Variants in PLEKHA7 observed in about 807,000 individuals in gnomAD.
PLEKHA7 encodes the protein pleckstrin homology domain-containing family A member 7.
A neutral mutation model predicts 170.0 loss-of-function variants in PLEKHA7; 104 were observed. That is an observed-to-expected ratio of 0.61 (90% CI 0.52 to 0.72). PLEKHA7 has a LOEUF of 0.72. PLEKHA7 is among the 30% of genes least tolerant of loss of function. PLEKHA7 has a pLI of 0.00. For synonymous variants in PLEKHA7, 648 were observed against 660.8 expected, an observed-to-expected ratio of 0.98 and a Z score of 0.30; for missense variants, 1,615 against 1,671.7, an observed-to-expected ratio of 0.97 and a Z score of 0.59.
At chr11:16,940,111 A>G (rs983555319) in intron 3 of PLEKHA7, among the ~76,000 whole-genome samples, 25 of 151,988 alleles carry the variant, frequency 1.6e-4, no homozygotes, top group African/African-American at 5.8e-4. Context: ...TAACATTCCT[A>G]TCTCCCCTAC....
In PLEKHA7 at chr11:16,783,746, G is replaced by A. The variant is rs902985913; in HGVS notation, c.3604C>T (p.Arg1202Trp). 1.1e-5 allele frequency: 16 copies of A among 1,506,774 alleles called. 1 individual carries two copies. The highest frequency in any genetic ancestry group is 2.1e-5 in the Admixed American group (1 of 46,824). The allele number at this position is 1,506,774 out of a possible 1,614,324, so 93.3% of individuals were successfully genotyped here. ...EPPSLEELQA[R>W]YRKAEKIRNI... ...CGGATCTTCTCGGCTTTGCGGTACC[G>A]CGCCTGCAGCTCCTCAAGGCTGGGT... Residue 1202 changes from arginine (R) to tryptophan (W), a missense_variant, in exon 25 of 27, where the codon CGG becomes TGG. By Grantham distance (101) the Arg-to-Trp change is moderately radical. Transcript: ENST00000531066.
intron 11 of PLEKHA7, 136 bp from the exon 12 acceptor site, chr11:16,816,400 A>T: frequency 1.5e-6 from 1 of 683,208 alleles, no homozygotes; most frequent in South Asian, 1.6e-5. Flanking sequence ...TCTTACTCTC[A>T]GGGTTAGAAC....
chr11:16,890,181 T>G (rs1565077384), intron 3 of PLEKHA7, among the ~76,000 whole-genome samples: 1 of 152,184 alleles, frequency 6.6e-6, no homozygotes, highest in Non-Finnish European at 1.5e-5. Flanking sequence ...AAGGGCAATA[T>G]TCATCATCAT....
chr11:16,855,876 C>G lies in PLEKHA7; in HGVS notation c.344G>C (p.Arg115Thr). ...TGTTTCACTGACCATGCTGGACGGTCTTTGGTTTCTGTCTTGCTTCGACAT... is the reference window on the plus strand; with the variant it reads ...TGTTTCACTGACCATGCTGGACGGTGTTTGGTTTCTGTCTTGCTTCGACAT... Reference protein sequence around the residue: ...PHMSKQDRNQRPSSMVSETST... With the variant: ...PHMSKQDRNQTPSSMVSETST... The change falls in exon 5 of 27, where the codon AGA becomes ACA. Residue 115 changes from arginine to threonine, a missense_variant. Transcript: ENST00000531066. 6.2e-7 allele frequency: 1 copy of G among 1,614,120 alleles called. No homozygotes were observed. The highest frequency in any genetic ancestry group is 8.5e-7 in the Non-Finnish European group (1 of 1,180,024).
intron 3 of PLEKHA7, among the ~76,000 whole-genome samples, chr11:16,909,236 G>A (rs183873771): frequency 2.1e-3 from 320 of 152,280 alleles, no homozygotes; most frequent in African/African-American, 7.0e-3. Context: ...GAGAAAATGT[G>A]TGACCAAGAG....
intron 3 of PLEKHA7, among the ~76,000 whole-genome samples, chr11:16,956,188 T>C (rs867288473): frequency 6.6e-6 from 1 of 152,154 alleles, no homozygotes; most frequent in Non-Finnish European, 1.5e-5. Context: ...CGTACCTATT[T>C]TGTTTTATTT....
chr11:16,979,477 G>C (rs1280674202), intron 3 of PLEKHA7, among the ~76,000 whole-genome samples: 1 of 152,128 alleles, frequency 6.6e-6, no homozygotes, highest in Non-Finnish European at 1.5e-5. Context: ...AGGTCACACA[G>C]TCAGTTAGTG....
Position 16,791,697 on chromosome 11 carries a change from C to T in PLEKHA7, c.2746-498G>A, listed in dbSNP as rs1014086098. ...GTGGGGACCTGAACAAGGACAGAGTCTACATCCTCCTGGCCTTTCTATCAG... is the reference window on the plus strand; with the variant it reads ...GTGGGGACCTGAACAAGGACAGAGTTTACATCCTCCTGGCCTTTCTATCAG... On this transcript the variant is annotated intron_variant, in intron 19 of 26. Coordinates refer to ENST00000531066, the MANE Select transcript of PLEKHA7 (RefSeq NM_001329630.2). This position sits in a 1 kb window ranked among gnomAD's most constrained non-coding sequence, Gnocchi z 4.5. 2 of 458,006 alleles carry T rather than the reference C, an allele frequency of 4.4e-6. No individual in the cohort carries two copies. Among genetic ancestry groups the T allele is most frequent in the African/African-American group, 2.0e-5 (1 of 50,150 alleles). The allele number at this position is 458,006 out of a possible 1,614,324, so 28.4% of individuals were successfully genotyped here.
chr11:16,938,620 T>C (rs1860474404), intron 3 of PLEKHA7, among the ~76,000 whole-genome samples: 1 of 152,200 alleles, frequency 6.6e-6, no homozygotes, highest in African/African-American at 2.4e-5. Context: ...CCATACATCA[T>C]GATTTTTGGA....
intron 8 of PLEKHA7, 53 bp downstream of exon 8, chr11:16,851,138 G>A: frequency 1.4e-6 from 2 of 1,392,174 alleles, no homozygotes; most frequent in South Asian, 1.5e-5. Flanking sequence ...AAGACATTTT[G>A]AGAACACAGT....
chr11:16,887,017 T>G (rs1237167753), intron 3 of PLEKHA7, among the ~76,000 whole-genome samples: 1 of 152,144 alleles, frequency 6.6e-6, no homozygotes, highest in African/African-American at 2.4e-5. Flanking sequence ...GAGCTATAAC[T>G]TCTCAGTTTA....
rs1848604876 is a variant in PLEKHA7 at position 16,801,674 on chromosome 11, C to T, written c.2301G>A (p.Glu767=). Residue 767 remains glutamate (E), a synonymous_variant, in exon 16 of 27, where the codon GAG becomes GAA. Transcript: ENST00000531066. ...LVHIRAELSR[E]STEMENAWNE... is the part of the protein sequence containing the mutation. ...TCTGCCACCCTCTACGCACAGTGGA[C>T]TCTCTGGAGAGCTCAGCTCGGATAT... 1 of 1,614,024 alleles carries T rather than the reference C, an allele frequency of 6.2e-7. No homozygotes were observed. The highest frequency in any genetic ancestry group is 1.3e-5 in the African/African-American group (1 of 74,934).
At chr11:16,951,560 A>G (rs4757451) in intron 3 of PLEKHA7, among the ~76,000 whole-genome samples, 135,900 of 152,212 alleles carry the variant, frequency 0.89, 60,706 homozygotes, top group African/African-American at 0.93. Context: ...ACTCAGATAC[A>G]AACCCAGGCA....
chr11:16,968,017 A>G (rs2136682529), intron 3 of PLEKHA7, among the ~76,000 whole-genome samples: 1 of 152,262 alleles, frequency 6.6e-6, no homozygotes, highest in Non-Finnish European at 1.5e-5. Flanking sequence ...GGAGAGACGG[A>G]GGGAAAGAAG....
At chr11:16,782,377 C>T (rs2134120355) in intron 26 of PLEKHA7, among the ~76,000 whole-genome samples, 1 of 152,342 alleles carries the variant, frequency 6.6e-6, no homozygotes, top group African/African-American at 2.4e-5. Context: ...GCATCAACCA[C>T]TTTCCTGCCC....
chr11:16,936,307 CAGG>C (rs1212140648), intron 3 of PLEKHA7, among the ~76,000 whole-genome samples: 2 of 141,966 alleles, frequency 1.4e-5, no homozygotes, highest in Non-Finnish European at 3.0e-5. Flanking sequence ...GAGGCTGAGG[CAGG>C]AGAATTGCTT....
In PLEKHA7 at chr11:16,794,491, T is replaced by A. The variant is rs1346406385; in HGVS notation, c.2742A>T (p.Lys914Asn). ...GCTCCTAGTTATCACTACTTACAAC[T>A]TTGGGCTTCGCCTTAGTTGGTGACT... Reference protein sequence around the residue: ...PLQSPTKAKPKVEDEAPPRPP... With the variant: ...PLQSPTKAKPNVEDEAPPRPP... The change falls in exon 19 of 27, where the codon AAA (lysine) becomes AAT (asparagine). Residue 914 changes from lysine (K) to asparagine (N), a missense_variant. Physicochemically the swap from Lys to Asn is moderately conservative, Grantham distance 94. Transcript: ENST00000531066. 6.2e-7 allele frequency: 1 copy of A among 1,613,206 alleles called. No individual in the cohort carries two copies. The highest frequency in any genetic ancestry group is 8.5e-7 in the Non-Finnish European group (1 of 1,179,636).
intron 3 of PLEKHA7, among the ~76,000 whole-genome samples, chr11:16,939,490 A>G (rs1860533549): frequency 6.6e-6 from 1 of 152,232 alleles, no homozygotes. Flanking sequence ...ATGAAGATTA[A>G]TTAAAATAAT....
intron 17 of PLEKHA7, among the ~76,000 whole-genome samples, chr11:16,800,079 C>A (rs774892800): frequency 1.3e-4 from 20 of 152,214 alleles, no homozygotes; most frequent in Non-Finnish European, 2.4e-4. Context: ...AGTTAGCAAG[C>A]CCAGCACCAA....
Sources: allele counts gnomAD v4.1 joint callset (sites outside exome capture counted in the v4.1 genomes callset), GRCh38; gene constraint gnomAD v4.1.1; non-coding constraint Gnocchi (gnomAD v3.1); transcripts MANE v1.5; gene names NCBI Gene and HGNC (gene_info 2026-07-23, HGNC 2026-07-21).